Variants in LRRC1 observed in about 807,000 individuals in gnomAD.
LRRC1 encodes leucine-rich repeat-containing protein 1.
A neutral mutation model predicts 69.9 loss-of-function variants in LRRC1; 28 were observed. The ratio of observed to expected loss-of-function variants is 0.40; its 90% CI spans 0.30 to 0.55. The LOEUF (loss-of-function observed/expected upper bound fraction) is 0.55. LRRC1 is among the 20% of genes least tolerant of loss of function. The pLI is 0.47. For synonymous variants in LRRC1, 236 were observed against 240.2 expected (o/e 0.98, Z 0.16); for missense variants, 498 against 609.0 (o/e 0.82, Z 1.92).
chr6:53,830,961 T>A (rs1392980674), intron 1 of LRRC1, among the ~76,000 whole-genome samples: 1 of 133,582 alleles, frequency 7.5e-6, no homozygotes, highest in Non-Finnish European at 1.6e-5. Context: ...TATATATATA[T>A]AATATATAGT....
In LRRC1 at chr6:53,896,863, G is replaced by A; in HGVS notation, c.538G>A (p.Asp180Asn). 6.2e-7 allele frequency: 1 copy of A among 1,603,366 alleles called. No individual in the cohort carries two copies. The highest frequency in any genetic ancestry group is 1.1e-5 in the South Asian group (1 of 90,504). Residue 180 changes from aspartate to asparagine, a missense_variant, in exon 6 of 14, where the codon GAT (aspartate) becomes AAT (asparagine). Physicochemically the swap from Asp to Asn is conservative, Grantham distance 23. This residue lies in a region of LRRC1 where 266 missense variants were observed against 383.9 expected (regional missense o/e 0.69). Transcript: ENST00000370888. ...CCAGCTGCGAAGACTAGAAGAACTT[G>A]ATTTAGGAAACAATGAAATATATAA... ...LTQLRRLEELDLGNNEIYNLP... is the reference protein window; with the variant it reads ...LTQLRRLEELNLGNNEIYNLP...
intron 1 of LRRC1, among the ~76,000 whole-genome samples, chr6:53,811,713 A>G (rs916311760): frequency 6.6e-6 from 1 of 152,238 alleles, no homozygotes; most frequent in Non-Finnish European, 1.5e-5. Context: ...GTCACACTTT[A>G]CAGATGGGAA....
intron 10 of LRRC1, among the ~76,000 whole-genome samples, chr6:53,910,733 A>G (rs1768381374): frequency 6.6e-6 from 1 of 152,250 alleles, no homozygotes; most frequent in South Asian, 2.1e-4. Flanking sequence ...TGGTTAAAGT[A>G]ACATATCCAA....
intron 2 of LRRC1, among the ~76,000 whole-genome samples, chr6:53,865,428 G>C (rs781209831): frequency 6.6e-6 from 1 of 152,092 alleles, no homozygotes; most frequent in Non-Finnish European, 1.5e-5. Flanking sequence ...CCAAGGTGAC[G>C]TAAAGAATGT....
intron 10 of LRRC1, chr6:53,905,018 A>T (rs998445690): frequency 6.6e-6 from 1 of 152,428 alleles, no homozygotes; most frequent in Non-Finnish European, 1.5e-5. Context: ...TTAGTAGTCT[A>T]AGCACGAGAA....
chr6:53,913,841 T>C lies in LRRC1; in HGVS notation c.991-13T>C. 1 of 1,576,770 alleles carries C rather than the reference T, an allele frequency of 6.3e-7. No individual in the cohort carries two copies. Among genetic ancestry groups the C allele is most frequent in the Non-Finnish European group, 8.7e-7 (1 of 1,149,698 alleles). ...AAAACTGGAAAAAAGATGTATTTTC[T>C]TTCTCACCATAGATCGGCGGGTGCT... On this transcript the variant is annotated splice_polypyrimidine_tract_variant and intron_variant, in intron 10 of 13. Transcript: ENST00000370888.
chr6:53,891,463 GGTAA>G (rs1441292945), intron 4 of LRRC1, among the ~76,000 whole-genome samples: 1 of 151,294 alleles, frequency 6.6e-6, no homozygotes, highest in African/African-American at 2.4e-5. Flanking sequence ...AAAAAAATCT[GGTAA>G]GTGAGGAAAG....
chr6:53,896,479 T>A lies in LRRC1; in HGVS notation c.447-19T>A, dbSNP rs762275116. The A allele has an allele frequency of 7.5e-6, 12 of 1,607,004 alleles. No individual in the cohort carries two copies. The highest frequency in any genetic ancestry group is 1.0e-5 in the Non-Finnish European group (12 of 1,174,100). On this transcript the variant is annotated intron_variant, in intron 4 of 13. Transcript: ENST00000370888. The stretch of plus-strand genomic sequence containing the variant: ...CAGGAATTTCTCTTATGCTTTTTTT[T>A]CCTTCTGTTCATTTCTAGTCTTTAT...
chr6:53,917,307 C>G (rs1220352078), intron 11 of LRRC1, among the ~76,000 whole-genome samples: 1 of 152,168 alleles, frequency 6.6e-6, no homozygotes, highest in Non-Finnish European at 1.5e-5. Flanking sequence ...CTTCTGTCCG[C>G]AAGACAGTGG....
intron 4 of LRRC1, among the ~76,000 whole-genome samples, chr6:53,895,547 C>G (rs867128122): frequency 6.6e-6 from 1 of 151,312 alleles, no homozygotes; most frequent in African/African-American, 2.4e-5. Flanking sequence ...GAAATTCCTC[C>G]AAATCTGGAT....
intron 1 of LRRC1, among the ~76,000 whole-genome samples, chr6:53,803,588 ATGTG>A (rs150574296): frequency 2.0e-5 from 3 of 150,234 alleles, no homozygotes; most frequent in East Asian, 2.0e-4. Context: ...GTGTGTGTGT[ATGTG>A]TGTGTGTGTG....
chr6:53,894,920 G>T (rs12524126), intron 4 of LRRC1, among the ~76,000 whole-genome samples: 8,221 of 151,818 alleles, frequency 0.054, 299 homozygotes, highest in Non-Finnish European at 0.079. Flanking sequence ...ACATATTAGC[G>T]GGGAGTTTTT....
At chr6:53,858,264 A>AT (rs145334901) in intron 2 of LRRC1, among the ~76,000 whole-genome samples, 1,495 of 147,278 alleles carry the variant, frequency 0.01, 18 homozygotes, top group African/African-American at 0.03. Context: ...TCACTTTGGG[A>AT]TTTTTTTTTT....
chr6:53,896,716 A>G (rs555824519), intron 5 of LRRC1, 113 bp from the exon 6 acceptor site: 1 of 977,604 alleles, frequency 1.0e-6, no homozygotes, highest in East Asian at 2.4e-5. Flanking sequence ...AATATTTTCT[A>G]CCATAAAAAT....
chr6:53,913,667 T>C (rs1164542523), intron 10 of LRRC1, among the ~76,000 whole-genome samples, 187 bp from the exon 11 acceptor site: 1 of 152,234 alleles, frequency 6.6e-6, no homozygotes, highest in African/African-American at 2.4e-5. Flanking sequence ...GCAGAGATTT[T>C]TATGAACATA....
intron 10 of LRRC1, among the ~76,000 whole-genome samples, chr6:53,908,277 A>G (rs1349287296): frequency 1.3e-5 from 2 of 152,218 alleles, no homozygotes; most frequent in Non-Finnish European, 2.9e-5. Flanking sequence ...CAAATGAAAG[A>G]GACGCCAACT....
chr6:53,804,470 T>C (rs925167599), intron 1 of LRRC1, among the ~76,000 whole-genome samples: 3 of 152,198 alleles, frequency 2.0e-5, no homozygotes, highest in Non-Finnish European at 4.4e-5. Flanking sequence ...TTGTTGTTAT[T>C]AAAACAAAAA....
At chr6:53,861,575 T>C (rs1308157977) in intron 2 of LRRC1, among the ~76,000 whole-genome samples, 3 of 151,772 alleles carry the variant, frequency 2.0e-5, no homozygotes, top group Non-Finnish European at 4.4e-5. Flanking sequence ...CCCCAGCCTC[T>C]GGGATAACCA....
intron 11 of LRRC1, among the ~76,000 whole-genome samples, chr6:53,916,845 A>G (rs1445736313): frequency 6.6e-6 from 1 of 152,230 alleles, no homozygotes; most frequent in Non-Finnish European, 1.5e-5. Flanking sequence ...GTTCACAGAC[A>G]TGGAAGGTCA....
Sources: gnomAD v4.1 joint callset for allele counts (sites outside exome capture counted in the v4.1 genomes callset) on GRCh38, gnomAD v4.1.1 for gene constraint, gnomAD v4.1.1 regional missense constraint, MANE v1.5 for transcripts, NCBI Gene and HGNC (gene_info 2026-07-23, HGNC 2026-07-21) for gene names.